Variants in DLG2 observed in about 807,000 individuals in gnomAD.
The protein encoded by DLG2 is disks large homolog 2.
Under a neutral mutation model 132.5 loss-of-function variants are expected in DLG2, and 45 were observed. That is an observed-to-expected ratio of 0.34 (90% CI 0.27 to 0.44). DLG2 has a LOEUF of 0.44. Among genes scored for constraint, DLG2 ranks in the 20% least tolerant of loss-of-function variants. DLG2 has a pLI of 1.00. For synonymous variants in DLG2, 424 were observed against 419.6 expected (o/e 1.01, Z -0.13); for missense variants, 1,045 against 1,196.9 (o/e 0.87, Z 1.87).
chr11:83,571,902 C>T (rs896914816), intron 19 of DLG2, among the ~76,000 whole-genome samples: 3 of 151,912 alleles, frequency 2.0e-5, no homozygotes, highest in African/African-American at 7.2e-5. Flanking sequence ...TTTAAAAAAT[C>T]ATATTTCTAA....
At chr11:85,274,180 C>T (rs1208464456) in intron 4 of DLG2, among the ~76,000 whole-genome samples, 35 of 152,094 alleles carry the variant, frequency 2.3e-4, no homozygotes, top group Admixed American at 2.3e-3. Context: ...GTGCAGCACA[C>T]CAACATGGCA....
At chr11:85,284,172 T>C (rs770744982) in intron 4 of DLG2, among the ~76,000 whole-genome samples, 1 of 151,950 alleles carries the variant, frequency 6.6e-6, no homozygotes, top group Admixed American at 6.6e-5. Context: ...AAAGTCAAAA[T>C]AATTACTTCT....
chr11:83,593,449 T>C (rs560940643), intron 19 of DLG2, among the ~76,000 whole-genome samples: 132 of 150,720 alleles, frequency 8.8e-4, no homozygotes, highest in Admixed American at 1.3e-3. Context: ...AACAATGAGA[T>C]CACATGGACA....
chr11:85,144,863 A>G (rs1407792283), intron 5 of DLG2, among the ~76,000 whole-genome samples: 1 of 152,054 alleles, frequency 6.6e-6, no homozygotes, highest in Non-Finnish European at 1.5e-5. Context: ...ACACACCACA[A>G]TTACAGTGTT....
rs1401139498 is a variant in DLG2 at position 84,660,125 on chromosome 11, C to T, written c.358-125394G>A. 2.6e-5 allele frequency among the ~76,000 whole-genome samples: 4 copies of T among 152,164 alleles called. No individual in the cohort carries two copies. The East Asian group carries it at 7.8e-4, about 30-fold the overall frequency. On this transcript the variant is annotated intron_variant, in intron 6 of 27. Transcript: ENST00000376104. Reference sequence around the variant, plus strand: ...ATTTAGTCTCCAGTCCATCTGGAGACAGAATTGATACCACATGATCCAAAA... The same window carrying T: ...ATTTAGTCTCCAGTCCATCTGGAGATAGAATTGATACCACATGATCCAAAA...
At chr11:84,580,790 A>G (rs2099514547) in intron 6 of DLG2, among the ~76,000 whole-genome samples, 1 of 152,206 alleles carries the variant, frequency 6.6e-6, no homozygotes, top group South Asian at 2.1e-4. Flanking sequence ...CATTCACTTC[A>G]ATTCACTTTA....
chr11:83,963,707 C>A (rs1170743114), intron 13 of DLG2, among the ~76,000 whole-genome samples: 1 of 151,954 alleles, frequency 6.6e-6, no homozygotes. Context: ...CTCCTCTTTG[C>A]CATTCTTGCA....
At chr11:85,455,979 T>C (rs2153048957) in intron 3 of DLG2, among the ~76,000 whole-genome samples, 1 of 152,262 alleles carries the variant, frequency 6.6e-6, no homozygotes, top group African/African-American at 2.4e-5. Context: ...CTTTTTATTG[T>C]GTCTCTGCCA....
chr11:85,104,959 G>A (rs536201388), intron 6 of DLG2, among the ~76,000 whole-genome samples: 18 of 145,694 alleles, frequency 1.2e-4, no homozygotes, highest in Admixed American at 4.8e-4. Context: ...CAGTCAAGTT[G>A]AATAAAGAGG....
chr11:84,060,025 C>G lies in DLG2; in HGVS notation c.750-541G>C, dbSNP rs961763562. ...CTTGACTCAATCATCTAAAATAAAC[C>G]TATTAGGTTGGGCGCAGTGGCTCAT... is the stretch of plus-strand genomic sequence containing the variant. On this transcript the variant is annotated intron_variant, in intron 10 of 27. Coordinates refer to ENST00000376104, the MANE Select transcript of DLG2 (RefSeq NM_001142699.3). 2.0e-5 allele frequency among the ~76,000 whole-genome samples: 3 copies of G among 151,788 alleles called. No homozygotes were observed. In the East Asian group the frequency reaches 5.8e-4, roughly 29 times the overall value.
At chr11:83,739,396 G>T (rs1289749135) in intron 18 of DLG2, among the ~76,000 whole-genome samples, 4 of 151,954 alleles carry the variant, frequency 2.6e-5, no homozygotes. Context: ...ATGTTACTTA[G>T]CAGATAATTA....
At chr11:85,037,932 T>A (rs1237593722) in intron 6 of DLG2, among the ~76,000 whole-genome samples, 2 of 152,072 alleles carry the variant, frequency 1.3e-5, no homozygotes, top group Non-Finnish European at 2.9e-5. Flanking sequence ...AATAATCTGG[T>A]TAATGAGTCA....
In DLG2 at chr11:84,492,991, T is replaced by C. The variant is rs150541232; in HGVS notation, c.519+41579A>G. The stretch of plus-strand genomic sequence containing the variant: ...GATAAAAGGAACAGTTTTTCTATGA[T>C]CTTAAAATGAAATGGCCATTGGGTA... On this transcript the variant is annotated intron_variant, in intron 7 of 27. Transcript: ENST00000376104. Among the ~76,000 whole-genome samples the C allele has an allele frequency of 2.0e-5, 3 of 152,218 alleles. No individual in the cohort carries two copies. In the East Asian group the frequency reaches 5.8e-4, roughly 29 times the overall value.
At chr11:84,754,439 G>C (rs555511283) in intron 6 of DLG2, among the ~76,000 whole-genome samples, 49 of 152,098 alleles carry the variant, frequency 3.2e-4, no homozygotes, top group Non-Finnish European at 6.2e-4. Flanking sequence ...TTGAGTAAAT[G>C]ATCTTATTTA....
At chr11:84,603,176 G>A (rs1262746750) in intron 6 of DLG2, among the ~76,000 whole-genome samples, 4 of 151,806 alleles carry the variant, frequency 2.6e-5, no homozygotes, top group South Asian at 2.1e-4. Flanking sequence ...TGCTTTAGAA[G>A]GCTTATTAGT....
At chr11:84,928,978 GTGTGTATATATATA>G (rs1298898942) in intron 6 of DLG2, among the ~76,000 whole-genome samples, 9 of 29,852 alleles carry the variant, frequency 3.0e-4, no homozygotes, top group African/African-American at 7.5e-4. Flanking sequence ...GTGTGTGTGT[GTGTGTATATATATA>G]TATATATATA....
chr11:83,911,313 A>C (rs1415239914), intron 15 of DLG2, among the ~76,000 whole-genome samples: 1 of 152,130 alleles, frequency 6.6e-6, no homozygotes, highest in Non-Finnish European at 1.5e-5. Context: ...TTTGGGTATA[A>C]CAAAATATAA....
intron 3 of DLG2, among the ~76,000 whole-genome samples, chr11:85,374,319 A>T (rs1241857631): frequency 6.6e-6 from 1 of 152,240 alleles, no homozygotes; most frequent in Admixed American, 6.5e-5. Context: ...CAGTCACACA[A>T]GAGGTTTTGG....
chr11:83,965,226 C>G, intron 13 of DLG2, 98 bp downstream of exon 13: 1 of 1,324,586 alleles, frequency 7.5e-7, no homozygotes, highest in Non-Finnish European at 1.0e-6. Flanking sequence ...AGAAGTTAAC[C>G]AAGAGGGAAG....
Sources: gnomAD v4.1 joint callset for allele counts (sites outside exome capture counted in the v4.1 genomes callset) on GRCh38, gnomAD v4.1.1 for gene constraint, MANE v1.5 for transcripts, NCBI Gene and HGNC (gene_info 2026-07-23, HGNC 2026-07-21) for gene names.